FSIP1: variants seen among roughly 807,000 people sequenced by gnomAD.
The protein encoded by FSIP1 is fibrous sheath interacting protein 1.
Under a neutral mutation model 60.9 loss-of-function variants are expected in FSIP1, and 65 were observed. The ratio of observed to expected loss-of-function variants is 1.07; its 90% confidence interval spans 0.87 to 1.31. The LOEUF (loss-of-function observed/expected upper bound fraction) is 1.31. Among genes scored for constraint, FSIP1 ranks in the 40% most tolerant of loss-of-function variants. The pLI, the probability that FSIP1 is intolerant of heterozygous loss-of-function variation, is 0.00. For missense variants in FSIP1, 675 were observed against 665.5 expected, an observed-to-expected ratio of 1.01 and a Z score of -0.16; for synonymous variants, 209 against 221.2, an observed-to-expected ratio of 0.94 and a Z score of 0.49.
chr15:39,742,399 T>C (rs1469978997), intron 5 of FSIP1, among the ~76,000 whole-genome samples: 1 of 152,234 alleles, frequency 6.6e-6, no homozygotes, highest in Non-Finnish European at 1.5e-5. Context: ...ATGTATTTTC[T>C]TGGCACCTCC....
chr15:39,696,296 A>T (rs1894810490), intron 10 of FSIP1, among the ~76,000 whole-genome samples: 1 of 152,190 alleles, frequency 6.6e-6, no homozygotes. Context: ...ACAAAACGAA[A>T]AGAATACCTT....
At chr15:39,766,273 CT>C (rs1342349370) in intron 3 of FSIP1, among the ~76,000 whole-genome samples, 1 of 152,160 alleles carries the variant, frequency 6.6e-6, no homozygotes, top group Admixed American at 6.6e-5. Flanking sequence ...TAGCTTGTAT[CT>C]TTTTTCTATG....
In FSIP1 at chr15:39,617,961, A is replaced by C; in HGVS notation, c.1473T>G (p.His491Gln). The C allele has an allele frequency of 6.2e-7, 1 of 1,614,206 alleles. No individual in the cohort carries two copies. The highest frequency in any genetic ancestry group is 8.5e-7 in the Non-Finnish European group (1 of 1,180,036). ...GYYLTKALTG[H>Q]NMSEALVTEA... is the part of the protein sequence containing the mutation. ...CAGTGACAAGAGCTTCTGACATGTT[A>C]TGTCCAGTCAAGGCTTTAGTGAGAT... is the stretch of plus-strand genomic sequence containing the variant. Residue 491 changes from histidine (H) to glutamine (Q), a missense_variant, in exon 11 of 12, where the codon CAT becomes CAG. His to Gln is a conservative substitution (Grantham distance 24). Coordinates refer to ENST00000350221, the MANE Select transcript of FSIP1 (RefSeq NM_152597.5).
rs146471992 is a variant in FSIP1, at chr15:39,770,960, C to G, written c.127-350G>C. On this transcript the variant is annotated intron_variant, in intron 2 of 11. Coordinates refer to ENST00000350221, the MANE Select transcript of FSIP1 (RefSeq NM_152597.5). ...AGTCAAAGGTCTAATACGACAGCCACTTGCCACATGTGGCTACAGAATGGT... is the reference window on the plus strand; with the variant it reads ...AGTCAAAGGTCTAATACGACAGCCAGTTGCCACATGTGGCTACAGAATGGT... Among the ~76,000 whole-genome samples, 715 of 152,350 alleles carry G rather than the reference C, an allele frequency of 4.7e-3. 4 individuals carry two copies. Among genetic ancestry groups the G allele is most frequent in the Non-Finnish European group, 7.3e-3 (496 of 68,032 alleles).
intron 10 of FSIP1, among the ~76,000 whole-genome samples, chr15:39,710,961 A>G (rs1895482921): frequency 6.6e-6 from 1 of 152,234 alleles, no homozygotes; most frequent in South Asian, 2.1e-4. Flanking sequence ...GACATTTGTC[A>G]TATCCCTTTA....
chr15:39,623,770 T>G (rs1260678883), intron 10 of FSIP1, among the ~76,000 whole-genome samples: 3 of 151,992 alleles, frequency 2.0e-5, no homozygotes, highest in African/African-American at 7.3e-5. Flanking sequence ...CCTTTCAGAG[T>G]CTAGAGCTGA....
intron 5 of FSIP1, 103 bp from the exon 6 acceptor site, chr15:39,742,003 TCCTCAGTCC>T: frequency 1.6e-6 from 1 of 639,190 alleles, no homozygotes. Context: ...TCTCCAGTGT[TCCTCAGTCC>T]CCTCCACACA....
intron 10 of FSIP1, among the ~76,000 whole-genome samples, chr15:39,679,163 A>G (rs1393095939): frequency 6.6e-6 from 1 of 152,216 alleles, no homozygotes; most frequent in East Asian, 1.9e-4. Flanking sequence ...TTCTATTCTC[A>G]GATAACCTAT....
At chr15:39,730,663 G>A (rs776244399) in intron 8 of FSIP1, among the ~76,000 whole-genome samples, 5 of 152,074 alleles carry the variant, frequency 3.3e-5, no homozygotes, top group East Asian at 3.8e-4. Flanking sequence ...GGAGGATCAC[G>A]ACAAGACACT....
At chr15:39,603,346 C>A (rs901554135) in intron 11 of FSIP1, among the ~76,000 whole-genome samples, 1 of 152,152 alleles carries the variant, frequency 6.6e-6, no homozygotes, top group Non-Finnish European at 1.5e-5. Context: ...GAACCCACCC[C>A]TAGAAATTGA....
At chr15:39,744,105 G>A (rs1343386115) in intron 5 of FSIP1, among the ~76,000 whole-genome samples, 1 of 152,146 alleles carries the variant, frequency 6.6e-6, no homozygotes, top group Non-Finnish European at 1.5e-5. Context: ...GTATATGTGT[G>A]TCCTTGTGTG....
At chr15:39,740,343 C>T (rs1254589180) in intron 6 of FSIP1, among the ~76,000 whole-genome samples, 1 of 152,150 alleles carries the variant, frequency 6.6e-6, no homozygotes, top group Non-Finnish European at 1.5e-5. Flanking sequence ...TTTCCTCAAC[C>T]TTTTGGAAGA....
At chr15:39,744,819 A>G (rs1056529674) in intron 5 of FSIP1, among the ~76,000 whole-genome samples, 86 of 145,538 alleles carry the variant, frequency 5.9e-4, no homozygotes, top group Non-Finnish European at 1.0e-3. Flanking sequence ...ACAGTTCCCC[A>G]CAGCTGGCCA....
At chr15:39,741,933 C>A (rs375980878) in intron 5 of FSIP1, 33 bp from the exon 6 acceptor site, 2 of 1,150,652 alleles carry the variant, frequency 1.7e-6, no homozygotes, top group South Asian at 2.5e-5. Flanking sequence ...GTTCAATGCT[C>A]ACAAAATAAA....
At chr15:39,691,740 G>A (rs1230446878) in intron 10 of FSIP1, among the ~76,000 whole-genome samples, 2 of 152,122 alleles carry the variant, frequency 1.3e-5, no homozygotes, top group African/African-American at 4.8e-5. Context: ...CAACTAATGT[G>A]ACTCCTTCCT....
At chr15:39,647,167 G>T (rs190900660) in intron 10 of FSIP1, among the ~76,000 whole-genome samples, 5 of 152,280 alleles carry the variant, frequency 3.3e-5, no homozygotes, top group East Asian at 3.9e-4. Flanking sequence ...AGATGAACAA[G>T]TCTGGAGGTC....
downstream of FSIP1, chr15:39,598,497 A>G (rs1890529462): frequency 6.6e-6 from 1 of 152,228 alleles, no homozygotes; most frequent in Admixed American, 6.5e-5. Flanking sequence ...GAAGAGTTCA[A>G]CGTTTGAAGT....
At chr15:39,753,716 A>T (rs1347879270) in intron 5 of FSIP1, among the ~76,000 whole-genome samples, 2 of 152,064 alleles carry the variant, frequency 1.3e-5, no homozygotes, top group African/African-American at 4.8e-5. Context: ...AATTGTTAAA[A>T]AGGACACAAA....
At position 39,741,347 on chromosome 15, in the gene FSIP1, G is replaced by C. The variant is rs1214907731; in HGVS notation, c.655+458C>G. Reference sequence around the variant, plus strand: ...TTGACATAGCTGCCATGTTCCTACAGTGACCCCAAACCTTGCTGGGTTGGA... The same window carrying C: ...TTGACATAGCTGCCATGTTCCTACACTGACCCCAAACCTTGCTGGGTTGGA... On this transcript the variant is annotated intron_variant, in intron 6 of 11. Coordinates refer to ENST00000350221, the MANE Select transcript of FSIP1 (RefSeq NM_152597.5). Among the ~76,000 whole-genome samples, 3 of 152,202 alleles carry C rather than the reference G, an allele frequency of 2.0e-5. No homozygotes were observed. The East Asian group carries it at 5.8e-4, about 29-fold the overall frequency.
Sources: gnomAD v4.1 joint callset for allele counts (sites outside exome capture counted in the v4.1 genomes callset) on GRCh38, gnomAD v4.1.1 for gene constraint, MANE v1.5 for transcripts, NCBI Gene and HGNC (gene_info 2026-07-23, HGNC 2026-07-21) for gene names.